KLHL20: variants seen among roughly 807,000 people sequenced by gnomAD.
KLHL20 encodes the protein kelch-like protein 20.
A neutral mutation model predicts 69.5 loss-of-function variants in KLHL20; 29 were observed. That is an observed-to-expected ratio of 0.42 (90% CI 0.31 to 0.57). The LOEUF (loss-of-function observed/expected upper bound fraction) is 0.57, where lower values mean the gene tolerates loss of function less well. KLHL20 is among the 20% of genes least tolerant of loss of function. KLHL20 has a pLI of 0.18. For missense variants in KLHL20, 419 were observed against 776.0 expected (o/e 0.54, Z 5.47); for synonymous variants, 253 against 265.2 (o/e 0.95, Z 0.45).
At position 173,724,927 on chromosome 1, in the gene KLHL20, C is replaced by T. The variant is rs116185683; in HGVS notation, c.24-8786C>T. On this transcript the variant is annotated intron_variant, in intron 2 of 11. Transcript: ENST00000209884. ...TTCTGAAAATTTCTTAGACCATCCCCGTTAATTTCAGCTAGAAAAGTGATG... is the reference window on the plus strand; with the variant it reads ...TTCTGAAAATTTCTTAGACCATCCCTGTTAATTTCAGCTAGAAAAGTGATG... Among the ~76,000 whole-genome samples, 969 of 152,180 alleles carry T rather than the reference C, an allele frequency of 6.4e-3. 4 individuals are homozygous for T. Among genetic ancestry groups the T allele is most frequent in the Non-Finnish European group, 0.011 (742 of 68,002 alleles).
At chr1:173,735,751 C>T (rs1672500716) in intron 3 of KLHL20, among the ~76,000 whole-genome samples, 1 of 152,018 alleles carries the variant, frequency 6.6e-6, no homozygotes, top group Non-Finnish European at 1.5e-5. Context: ...CTCTCACCCA[C>T]CTCCCACACT....
intron 3 of KLHL20, among the ~76,000 whole-genome samples, chr1:173,738,467 G>A (rs1672641177): frequency 1.3e-5 from 2 of 152,106 alleles, no homozygotes; most frequent in Admixed American, 6.5e-5. Context: ...ACTGCACCTG[G>A]TCCTGGATGC....
chr1:173,752,784 C>T (rs1011544886), intron 4 of KLHL20, among the ~76,000 whole-genome samples: 9 of 152,088 alleles, frequency 5.9e-5, no homozygotes, highest in East Asian at 1.9e-4. Context: ...TTATGGTATT[C>T]GGTGAGATCC....
intron 3 of KLHL20, chr1:173,734,495 C>A: frequency 5.2e-6 from 3 of 575,250 alleles, no homozygotes; most frequent in East Asian, 6.0e-5. Flanking sequence ...ATTTATTCTC[C>A]CTAACTGTAT....
At chr1:173,738,109 G>A (rs1257872845) in intron 3 of KLHL20, among the ~76,000 whole-genome samples, 5 of 152,048 alleles carry the variant, frequency 3.3e-5, no homozygotes, top group Non-Finnish European at 7.4e-5. Context: ...GAGCTTTTTG[G>A]ATGAGTCTTT....
intron 10 of KLHL20, among the ~76,000 whole-genome samples, chr1:173,779,350 CTTT>C (rs375083476): frequency 6.1e-5 from 8 of 131,416 alleles, no homozygotes; most frequent in African/African-American, 1.2e-4. Context: ...AGGATTTCTC[CTTT>C]TTTTTTTTTT....
At position 173,755,799 on chromosome 1, in the gene KLHL20, A is replaced by C. The variant is rs747907736; in HGVS notation, c.852-124A>C. 155 of 609,044 alleles carry C rather than the reference A, an allele frequency of 2.5e-4. No homozygotes were observed. In the Middle Eastern group the frequency reaches 4.0e-3, roughly 16 times the overall value. The allele number at this position is 609,044 out of a possible 1,614,324, so 37.7% of individuals were successfully genotyped here. ...TGTGCCAATTTTAATATTGGCTGGC[A>C]TTCATGATTTGGTTTGATTTATGCT... On this transcript the variant is annotated intron_variant, in intron 5 of 11. Coordinates refer to ENST00000209884, the MANE Select transcript of KLHL20 (RefSeq NM_014458.4).
At chr1:173,735,985 C>T (rs1672517003) in intron 3 of KLHL20, among the ~76,000 whole-genome samples, 1 of 132,648 alleles carries the variant, frequency 7.5e-6, no homozygotes, top group African/African-American at 2.8e-5. Flanking sequence ...TGCTCTGTTG[C>T]CCACGCTGGA....
rs146893194 is a variant in KLHL20 at position 173,734,237 on chromosome 1, G to A, written c.548G>A (p.Arg183His). Residue 183 changes from arginine to histidine, a missense_variant, in exon 3 of 12, where the codon CGT becomes CAT. This residue lies in a region of KLHL20 where 99 missense variants were observed against 240.7 expected (regional missense o/e 0.41). Coordinates refer to ENST00000209884, the MANE Select transcript of KLHL20 (RefSeq NM_014458.4). ...IRAFADTHSC[R>H]ELLRIADKFT... is the part of the protein sequence containing the mutation. The stretch of plus-strand genomic sequence containing the variant: ...GCTTTTGCTGACACACATTCATGTC[G>A]TGAGTTGCTAAGGATAGCAGACAAG... 27 of 1,614,060 alleles carry A rather than the reference G, an allele frequency of 1.7e-5. No homozygotes were observed. Among genetic ancestry groups the A allele is most frequent in the Non-Finnish European group, 2.2e-5 (26 of 1,180,038 alleles).
intron 7 of KLHL20, 77 bp downstream of exon 7, chr1:173,757,236 G>C: frequency 7.3e-7 from 1 of 1,365,140 alleles, no homozygotes; most frequent in South Asian, 1.4e-5. Flanking sequence ...GAAACAAATT[G>C]ATTTAATGCT....
chr1:173,785,104 C>T, intron 11 of KLHL20, 59 bp from the exon 12 acceptor site: 2 of 1,332,914 alleles, frequency 1.5e-6, no homozygotes, highest in Middle Eastern at 1.8e-4. Context: ...TAGTTAATAA[C>T]ATCTTAGTTG....
At chr1:173,729,563 T>C (rs1672153000) in intron 2 of KLHL20, among the ~76,000 whole-genome samples, 1 of 152,118 alleles carries the variant, frequency 6.6e-6, no homozygotes, top group South Asian at 2.1e-4. Flanking sequence ...GCAAGGCTGG[T>C]TCAACATACA....
chr1:173,784,556 A>C (rs1314765435), intron 11 of KLHL20, among the ~76,000 whole-genome samples: 4 of 152,244 alleles, frequency 2.6e-5, no homozygotes, highest in African/African-American at 9.6e-5. Context: ...AAATATTTGC[A>C]GTTACATATC....
chr1:173,782,719 G>A (rs1469527339), intron 11 of KLHL20, among the ~76,000 whole-genome samples: 1 of 152,182 alleles, frequency 6.6e-6, no homozygotes, highest in Admixed American at 6.5e-5. Context: ...AACTTTTAGG[G>A]AGGAGGCTAC....
chr1:173,762,452 T>C (rs953594950), intron 7 of KLHL20, among the ~76,000 whole-genome samples: 5 of 152,080 alleles, frequency 3.3e-5, no homozygotes, highest in African/African-American at 7.2e-5. Context: ...CAGACCAATA[T>C]CCTTGATGAA....
intron 3 of KLHL20, among the ~76,000 whole-genome samples, chr1:173,739,860 C>G (rs1372648890): frequency 6.6e-6 from 1 of 151,112 alleles, no homozygotes; most frequent in Non-Finnish European, 1.5e-5. Context: ...AGGCTAGTCT[C>G]GAACTCCTGA....
chr1:173,745,901 T>C (rs554698509), intron 3 of KLHL20, among the ~76,000 whole-genome samples: 1 of 152,238 alleles, frequency 6.6e-6, no homozygotes, highest in South Asian at 2.1e-4. Context: ...AGGCGGAGGT[T>C]GCAGTGAGCT....
intron 2 of KLHL20, among the ~76,000 whole-genome samples, chr1:173,722,763 C>A (rs886693861): frequency 2.8e-5 from 4 of 143,914 alleles, no homozygotes; most frequent in Non-Finnish European, 6.0e-5. Context: ...AATCTTGGTT[C>A]ACCGCAACCT....
In KLHL20 at chr1:173,733,899, G is replaced by T. The variant is rs1472373313; in HGVS notation, c.210G>T (p.Val70=). ...GAAAGCACCGGGAGCTATGTGATGT[G>T]GTGCTAGTTGTGGGCGCCAAGAAGA... ...LLRKHRELCD[V]VLVVGAKKIY... Residue 70 remains valine, a synonymous_variant, in exon 3 of 12, where the codon GTG becomes GTT. Coordinates refer to ENST00000209884, the MANE Select transcript of KLHL20 (RefSeq NM_014458.4). 6.2e-7 allele frequency: 1 copy of T among 1,614,036 alleles called. No homozygotes were observed. The highest frequency in any genetic ancestry group is 8.5e-7 in the Non-Finnish European group (1 of 1,180,030).
Sources: gnomAD v4.1 joint callset for allele counts (sites outside exome capture counted in the v4.1 genomes callset) on GRCh38, gnomAD v4.1.1 for gene constraint, gnomAD v4.1.1 regional missense constraint, MANE v1.5 for transcripts, NCBI Gene and HGNC (gene_info 2026-07-23, HGNC 2026-07-21) for gene names.